SLC1A1: variants seen among roughly 807,000 people sequenced by gnomAD.
The protein encoded by SLC1A1 is excitatory amino acid transporter 3.
A neutral mutation model predicts 53.3 loss-of-function variants in SLC1A1; 43 were observed. That is an observed-to-expected ratio of 0.81 (90% CI 0.63 to 1.04). The LOEUF is 1.04. Ranked by LOEUF, SLC1A1 falls within the 50% of genes least tolerant of loss-of-function variation. SLC1A1 has a pLI of 0.00. For synonymous variants in SLC1A1, 307 were observed against 243.2 expected, an observed-to-expected ratio of 1.26 and a Z score of -2.44; for missense variants, 748 against 664.9, an observed-to-expected ratio of 1.12 and a Z score of -1.37.
intron 1 of SLC1A1, among the ~76,000 whole-genome samples, chr9:4,508,233 AAG>A (rs1249219307): frequency 6.6e-6 from 1 of 152,202 alleles, no homozygotes; most frequent in East Asian, 1.9e-4. Flanking sequence ...AAGTAGAATA[AAG>A]AGAGTCAACC....
chr9:4,539,400 A>T (rs1344877914), intron 1 of SLC1A1, among the ~76,000 whole-genome samples: 1 of 152,188 alleles, frequency 6.6e-6, no homozygotes, highest in Non-Finnish European at 1.5e-5. Context: ...ATCACTTCAG[A>T]ACCTCTGAGA....
chr9:4,563,406 T>C (rs1335055219), intron 3 of SLC1A1, among the ~76,000 whole-genome samples: 2 of 152,166 alleles, frequency 1.3e-5, no homozygotes, highest in African/African-American at 2.4e-5. Context: ...TACTGCTCTC[T>C]TATTAGCTGG....
chr9:4,497,870 A>G (rs1265706197), intron 1 of SLC1A1, among the ~76,000 whole-genome samples: 1 of 152,242 alleles, frequency 6.6e-6, no homozygotes, highest in Non-Finnish European at 1.5e-5. Flanking sequence ...CTTATTAACA[A>G]GAAAGGGACT....
rs1818448833 is a variant in SLC1A1, at chr9:4,556,896, C to A, written c.233-4553C>A. Among the ~76,000 whole-genome samples the A allele has an allele frequency of 6.6e-6, 1 of 152,036 alleles. No homozygotes were observed. The highest frequency in any genetic ancestry group is 2.4e-5 in the African/African-American group (1 of 41,384). On this transcript the variant is annotated intron_variant, in intron 2 of 11. Coordinates refer to ENST00000262352, the MANE Select transcript of SLC1A1 (RefSeq NM_004170.6). The surrounding 1 kb of genome is among the most constrained non-coding windows in gnomAD (Gnocchi z 4.1). ...TTCAGAGGGGTGGTGATTAGGAAAA[C>A]GGCTTTGGGGGGTGGTTTTGCACAA...
Position 4,580,651 on chromosome 9 carries a change from G to GTGTGTGTGTATGTGTGTGTGTGTA in SLC1A1, c.1194-2386_1194-2385insGTGTGTGTATGTGTGTGTGTGTAT, listed in dbSNP as rs370378540. On this transcript the variant is annotated intron_variant, in intron 10 of 11. Transcript: ENST00000262352. ...TGTGTGTGTGTGTGTGTGTGTGTGT[G>GTGTGTGTGTATGTGTGTGTGTGTA]TATAAGGAATAAAGAAGAAAGACAA... Among the ~76,000 whole-genome samples the GTGTGTGTGTATGTGTGTGTGTGTA allele has an allele frequency of 2.4e-3, 281 of 118,800 alleles. 8 individuals are homozygous for GTGTGTGTGTATGTGTGTGTGTGTA. The highest frequency in any genetic ancestry group is 7.8e-3 in the African/African-American group (234 of 30,088). 77.9% of individuals were successfully genotyped at this position (118,800 alleles called of 152,430 possible). A position where few individuals can be genotyped will look rare whatever the true frequency, so the allele number is the denominator to read the frequency against.
chr9:4,532,489 G>A (rs1030472784), intron 1 of SLC1A1, among the ~76,000 whole-genome samples: 22 of 152,164 alleles, frequency 1.4e-4, no homozygotes, highest in Non-Finnish European at 2.9e-5. Context: ...TGAATGAAAT[G>A]AAGTGAGAAG....
At position 4,585,610 on chromosome 9, in the gene SLC1A1, C is replaced by A; in HGVS notation, c.*52C>A. 3 of 1,605,648 alleles carry A rather than the reference C, an allele frequency of 1.9e-6. No individual in the cohort carries two copies. The highest frequency in any genetic ancestry group is 2.2e-5 in the South Asian group (2 of 90,706). On this transcript the variant is annotated 3_prime_UTR_variant, in exon 12 of 12. Coordinates refer to ENST00000262352, the MANE Select transcript of SLC1A1 (RefSeq NM_004170.6). The stretch of plus-strand genomic sequence containing the variant: ...CAAGGAAGGACATTTCCGTGAGAGT[C>A]ATCTCAAACACTGCTTAAGGAAAAG...
intron 2 of SLC1A1, among the ~76,000 whole-genome samples, chr9:4,547,288 A>C (rs10815019): frequency 6.6e-6 from 1 of 152,076 alleles, no homozygotes; most frequent in African/African-American, 2.4e-5. Flanking sequence ...TTCCACTGAC[A>C]TAGCCCAGCT....
chr9:4,497,817 T>A (rs1256947990), intron 1 of SLC1A1, among the ~76,000 whole-genome samples: 1 of 152,164 alleles, frequency 6.6e-6, no homozygotes, highest in Admixed American at 6.6e-5. Flanking sequence ...TTTTAATTTT[T>A]AAAAAAGTAT....
chr9:4,516,376 G>C (rs1821161131), intron 1 of SLC1A1, among the ~76,000 whole-genome samples: 1 of 152,226 alleles, frequency 6.6e-6, no homozygotes, highest in Non-Finnish European at 1.5e-5. Context: ...GGCAGAGCCA[G>C]AATGGCTTCT....
Position 4,579,292 on chromosome 9 carries a change from G to T in SLC1A1, c.1193+2529G>T, listed in dbSNP as rs182945307. Among the ~76,000 whole-genome samples the T allele has an allele frequency of 9.3e-4, 141 of 152,320 alleles. 1 individual carries two copies. The highest frequency in any genetic ancestry group is 3.3e-3 in the African/African-American group (137 of 41,574). On this transcript the variant is annotated intron_variant, in intron 10 of 11. Transcript: ENST00000262352. ...AAGTTTCTGCTCCACAACCACCCCT[G>T]TGCTTCCAACAGTTGTTACTTTTAC...
intron 1 of SLC1A1, among the ~76,000 whole-genome samples, chr9:4,540,401 G>C (rs1816904230): frequency 6.6e-6 from 1 of 152,138 alleles, no homozygotes; most frequent in Non-Finnish European, 1.5e-5. Context: ...CTGTCACACT[G>C]ACCCTGTGCT....
chr9:4,556,302 G>T lies in SLC1A1; in HGVS notation c.233-5147G>T, dbSNP rs558903092. ...CCCAAAGTGCTGGGATTACCGGCGT[G>T]AGCCACTACGCCCCGCCCCTATCTT... is the stretch of plus-strand genomic sequence containing the variant. On this transcript the variant is annotated intron_variant, in intron 2 of 11. Coordinates refer to ENST00000262352, the MANE Select transcript of SLC1A1 (RefSeq NM_004170.6). This position sits in a 1 kb window ranked among gnomAD's most constrained non-coding sequence, Gnocchi z 4.1. 1.6e-4 allele frequency among the ~76,000 whole-genome samples: 24 copies of T among 152,176 alleles called. No individual in the cohort carries two copies. Among genetic ancestry groups the T allele is most frequent in the Non-Finnish European group, 2.8e-4 (19 of 68,018 alleles).
At chr9:4,582,206 C>A (rs962077404) in intron 10 of SLC1A1, among the ~76,000 whole-genome samples, 1 of 152,050 alleles carries the variant, frequency 6.6e-6, no homozygotes, top group Non-Finnish European at 1.5e-5. Context: ...CTGCACATTA[C>A]AAAGAAAAAA....
At chr9:4,514,673 G>C (rs1455821506) in intron 1 of SLC1A1, among the ~76,000 whole-genome samples, 1 of 152,172 alleles carries the variant, frequency 6.6e-6, no homozygotes. Context: ...GGGTGGGTCA[G>C]AGAGCTTGCA....
chr9:4,546,055 G>C (rs1477657986), intron 2 of SLC1A1, among the ~76,000 whole-genome samples: 3 of 152,094 alleles, frequency 2.0e-5, no homozygotes, highest in African/African-American at 7.2e-5. Context: ...CTGGACGTTG[G>C]TGGGGGCACG....
In SLC1A1 at chr9:4,490,765, T is replaced by C; in HGVS notation, c.86T>C (p.Val29Ala). The change falls in exon 1 of 12, where the codon GTG (valine) becomes GCG (alanine). Residue 29 changes from valine to alanine, a missense_variant. By Grantham distance (64) the Val-to-Ala change is moderately conservative. Transcript: ENST00000262352. ...WVLLSTVAAV[V>A]LGITTGVLVR... ...TTGCTGTCCACCGTGGCCGCGGTGG[T>C]GCTAGGTGAGCGGCGCGGCGGGTGG... 6.2e-7 allele frequency: 1 copy of C among 1,611,348 alleles called. No homozygotes were observed. Among genetic ancestry groups the C allele is most frequent in the Non-Finnish European group, 8.5e-7 (1 of 1,178,050 alleles).
intron 2 of SLC1A1, among the ~76,000 whole-genome samples, chr9:4,545,773 G>T (rs1484558141): frequency 6.6e-6 from 1 of 152,172 alleles, no homozygotes; most frequent in African/African-American, 2.4e-5. Context: ...TACATTGCAG[G>T]GCTCCTTTGA....
intron 4 of SLC1A1, among the ~76,000 whole-genome samples, chr9:4,564,854 A>G (rs1819328704): frequency 2.0e-5 from 3 of 152,360 alleles, no homozygotes; most frequent in African/African-American, 7.2e-5. Flanking sequence ...CAGTTAAAGC[A>G]GAGACTCATA....
Sources: allele counts gnomAD v4.1 joint callset (sites outside exome capture counted in the v4.1 genomes callset), GRCh38; gene constraint gnomAD v4.1.1; non-coding constraint Gnocchi (gnomAD v3.1); transcripts MANE v1.5; gene names NCBI Gene and HGNC (gene_info 2026-07-23, HGNC 2026-07-21).